Variants in PCDHGB5 observed in about 807,000 individuals in gnomAD.
The protein encoded by PCDHGB5 is protocadherin gamma-B5.
Under a neutral mutation model 62.9 loss-of-function variants are expected in PCDHGB5, and 48 were observed. The ratio of observed to expected loss-of-function variants is 0.76; its 90% confidence interval spans 0.61 to 0.97. The LOEUF (loss-of-function observed/expected upper bound fraction) is 0.97, where lower values mean the gene tolerates loss of function less well. Ranked by LOEUF, PCDHGB5 falls within the 50% of genes least tolerant of loss-of-function variation. PCDHGB5 has a pLI of 0.00. For synonymous variants in PCDHGB5, 474 were observed against 511.2 expected, an observed-to-expected ratio of 0.93 and a Z score of 0.98; for missense variants, 1,118 against 1,198.6, an observed-to-expected ratio of 0.93 and a Z score of 0.99.
chr5:141,485,172 CA>C lies in PCDHGB5; in HGVS notation c.2398-9633del. 6.2e-7 allele frequency: 1 copy of C among 1,610,166 alleles called. No individual in the cohort carries two copies. Among genetic ancestry groups the C allele is most frequent in the Non-Finnish European group, 8.5e-7 (1 of 1,176,940 alleles). On this transcript the variant is annotated intron_variant, in intron 1 of 3. Coordinates refer to ENST00000617380, the MANE Select transcript of PCDHGB5 (RefSeq NM_018925.3). The surrounding 1 kb of genome is among the most constrained non-coding windows in gnomAD (Gnocchi z 5.7). ...CAAGTAGAGAATTAGCGGGCGGCAG[CA>C]ATGCTCCGCAAGGTGAGAAGCTGGA...
intron 1 of PCDHGB5, chr5:141,479,290 T>C (rs1045200175): frequency 1.3e-5 from 2 of 152,438 alleles, no homozygotes; most frequent in Non-Finnish European, 2.9e-5. Flanking sequence ...AAAATAAATC[T>C]AGGCAACCCA....
intron 1 of PCDHGB5, among the ~76,000 whole-genome samples, chr5:141,481,126 A>G (rs2099532217): frequency 6.6e-6 from 1 of 152,222 alleles, no homozygotes. Context: ...CATTTAGCAT[A>G]TTTGTGAAGT....
intron 1 of PCDHGB5, among the ~76,000 whole-genome samples, chr5:141,438,370 A>G (rs2097956460): frequency 1.3e-5 from 2 of 152,004 alleles, no homozygotes; most frequent in South Asian, 4.2e-4. Context: ...CATTGAGGGC[A>G]GATATAATTT....
rs146574799 is a variant in PCDHGB5, at chr5:141,487,337, G to A, written c.2398-7470G>A. The A allele has an allele frequency of 1.4e-5, 23 of 1,614,054 alleles. No individual in the cohort carries two copies. The highest frequency in any genetic ancestry group is 3.3e-5 in the Admixed American group (2 of 60,002). The stretch of plus-strand genomic sequence containing the variant: ...TAAGTGTCTTCGTGGGGCAGCCTGT[G>A]GAGTCACATGCTTTCCTGCTGGCAC... On this transcript the variant is annotated intron_variant, in intron 1 of 3. Coordinates refer to ENST00000617380, the MANE Select transcript of PCDHGB5 (RefSeq NM_018925.3). The surrounding 1 kb of genome is among the most constrained non-coding windows in gnomAD (Gnocchi z 5.0).
rs1360494290 is a variant in PCDHGB5 at position 141,433,285 on chromosome 5, C to T, written c.2397+32761C>T. On this transcript the variant is annotated intron_variant, in intron 1 of 3. Coordinates refer to ENST00000617380, the MANE Select transcript of PCDHGB5 (RefSeq NM_018925.3). ...CATAGCTCACTGCAGCCTCAAACTCCTAGGCTCAAGCAATTATCCCACCTT... is the reference window on the plus strand; with the variant it reads ...CATAGCTCACTGCAGCCTCAAACTCTTAGGCTCAAGCAATTATCCCACCTT... The T allele has an allele frequency of 6.8e-6, 8 of 1,169,708 alleles. No individual in the cohort carries two copies. In the East Asian group the frequency reaches 1.7e-4, roughly 25 times the overall value. The allele number at this position is 1,169,708 out of a possible 1,614,324, so 72.5% of individuals were successfully genotyped here. A position where few individuals can be genotyped will look rare whatever the true frequency, so the allele number is the denominator to read the frequency against.
At chr5:141,499,689 CTTTTTTTTTTT>C in intron 2 of PCDHGB5, among the ~76,000 whole-genome samples, 1 of 119,852 alleles carries the variant, frequency 8.3e-6, no homozygotes, top group Non-Finnish European at 1.7e-5. Context: ...TAACAGATGA[CTTTTTTTTTTT>C]TTTTTTTTTT....
chr5:141,428,856 G>A (rs1195849417), intron 1 of PCDHGB5: 4 of 143,808 alleles, frequency 2.8e-5, no homozygotes, highest in Admixed American at 1.4e-4. Flanking sequence ...ATTTTTACGG[G>A]AGACTTTTTT....
intron 1 of PCDHGB5, chr5:141,413,221 G>A (rs1384304697): frequency 1.2e-6 from 2 of 1,613,452 alleles, no homozygotes; most frequent in East Asian, 2.2e-5. Flanking sequence ...GGATTGCAGC[G>A]GGCTGGTCCT....
At position 141,500,184 on chromosome 5, in the gene PCDHGB5, TTTTATTTATTTATTTA is replaced by T. The variant is rs58019021; in HGVS notation, c.2457-5182_2457-5167del. Among the ~76,000 whole-genome samples the T allele has an allele frequency of 2.1e-3, 289 of 135,964 alleles. 1 individual carries two copies. Among genetic ancestry groups the T allele is most frequent in the Middle Eastern group, 0.016 (4 of 248 alleles). The allele number at this position is 135,964 out of a possible 152,430, so 89.2% of individuals were successfully genotyped here. A position where few individuals can be genotyped will look rare whatever the true frequency, so the allele number is the denominator to read the frequency against. On this transcript the variant is annotated intron_variant, in intron 2 of 3. Coordinates refer to ENST00000617380, the MANE Select transcript of PCDHGB5 (RefSeq NM_018925.3). ...GAACATGCATGAGCTTCATTTTTAT[TTTTATTTATTTATTTA>T]TTTATTTATTTATTTATTTATTTAT...
chr5:141,399,525 C>G lies in PCDHGB5; in HGVS notation c.1398C>G (p.Ser466=). 6.2e-7 allele frequency: 1 copy of G among 1,614,058 alleles called. No individual in the cohort carries two copies. The highest frequency in any genetic ancestry group is 8.5e-7 in the Non-Finnish European group (1 of 1,179,902). Residue 466 remains serine, a synonymous_variant, in exon 1 of 4, where the codon TCC becomes TCG. Transcript: ENST00000617380. ...SVPENNPPGA[S]IAQVCASDLD... ...CCGAAAACAACCCTCCTGGGGCCTC[C>G]ATCGCGCAAGTCTGCGCCTCGGACC...
intron 1 of PCDHGB5, chr5:141,413,040 C>G: frequency 1.2e-6 from 1 of 840,546 alleles, no homozygotes; most frequent in Non-Finnish European, 1.8e-6. Flanking sequence ...GGCTGCTGGG[C>G]TGCAGGGAAG....
intron 1 of PCDHGB5, among the ~76,000 whole-genome samples, chr5:141,483,517 CCTGA>C (rs72004558): frequency 0.16 from 24,470 of 151,950 alleles, 2,064 homozygotes; most frequent in African/African-American, 0.21. Context: ...CCCCCTAGAT[CCTGA>C]CTAAGGAAGC....
chr5:141,438,613 TATATATATATATATATATATATAC>T (rs1240061633), intron 1 of PCDHGB5, among the ~76,000 whole-genome samples: 627 of 36,484 alleles, frequency 0.017, 21 homozygotes, highest in African/African-American at 0.051. Flanking sequence ...TATATATATA[TATATATATATATATATATATATAC>T]ACACACACAC....
rs188373658 is a variant in PCDHGB5 at position 141,492,228 on chromosome 5, C to T, written c.2398-2579C>T. ...TGCGCGCGGGGCTCATGCGTGTCCT[C>T]CCTGCTGGCCACCCCCACGGCCCAC... On this transcript the variant is annotated intron_variant, in intron 1 of 3. Coordinates refer to ENST00000617380, the MANE Select transcript of PCDHGB5 (RefSeq NM_018925.3). Among the ~76,000 whole-genome samples the T allele has an allele frequency of 5.3e-5, 8 of 152,292 alleles. No individual in the cohort carries two copies. In the East Asian group the frequency reaches 1.2e-3, roughly 22 times the overall value.
intron 2 of PCDHGB5, among the ~76,000 whole-genome samples, chr5:141,499,301 TC>T (rs771049830): frequency 6.6e-6 from 1 of 152,166 alleles, no homozygotes; most frequent in Non-Finnish European, 1.5e-5. Context: ...CTACCATCCC[TC>T]CTCTGAGAGA....
rs370286425 is a variant in PCDHGB5, at chr5:141,431,234, G to A, written c.2397+30710G>A. On this transcript the variant is annotated intron_variant, in intron 1 of 3. Coordinates refer to ENST00000617380, the MANE Select transcript of PCDHGB5 (RefSeq NM_018925.3). This position sits in a 1 kb window ranked among gnomAD's most constrained non-coding sequence, Gnocchi z 4.8. ...GCGGTTCCCTCTACCCCACGCCTGGGATCCGGATATCGGGAAGAACTCTCT... is the reference window on the plus strand; with the variant it reads ...GCGGTTCCCTCTACCCCACGCCTGGAATCCGGATATCGGGAAGAACTCTCT... 13 of 1,614,052 alleles carry A rather than the reference G, an allele frequency of 8.1e-6. No individual in the cohort carries two copies. The highest frequency in any genetic ancestry group is 2.7e-5 in the African/African-American group (2 of 74,940).
At position 141,485,260 on chromosome 5, in the gene PCDHGB5, G is replaced by A. The variant is rs773919574; in HGVS notation, c.2398-9547G>A. On this transcript the variant is annotated intron_variant, in intron 1 of 3. Transcript: ENST00000617380. This position sits in a 1 kb window ranked among gnomAD's most constrained non-coding sequence, Gnocchi z 5.7. ...TTTACCACCTGGGTTACGTTTGTGG[G>A]CAGATCCGCTACCCGGTCCCAGAGG... The A allele has an allele frequency of 8.7e-6, 14 of 1,614,002 alleles. No individual in the cohort carries two copies. In the African/African-American group the frequency reaches 1.5e-4, roughly 17 times the overall value.
rs762138055 is a variant in PCDHGB5, at chr5:141,490,757, T to C, written c.2398-4050T>C. 6.2e-7 allele frequency: 1 copy of C among 1,613,918 alleles called. No homozygotes were observed. The highest frequency in any genetic ancestry group is 2.2e-5 in the East Asian group (1 of 44,892). On this transcript the variant is annotated intron_variant, in intron 1 of 3. Coordinates refer to ENST00000617380, the MANE Select transcript of PCDHGB5 (RefSeq NM_018925.3). The surrounding 1 kb of genome is among the most constrained non-coding windows in gnomAD (Gnocchi z 5.4). ...GTTCAGGGAGCCCCAGCCTCCTCCT[T>C]TGTGTATGTCAACCCAGAGGATGGA...
intron 1 of PCDHGB5, chr5:141,430,592 C>A (rs2097296542): frequency 1.8e-6 from 1 of 544,568 alleles, no homozygotes; most frequent in Non-Finnish European, 2.9e-6. Flanking sequence ...TCGCCTTGCA[C>A]GCGCCTGAAG....
Sources: gnomAD v4.1 joint callset for allele counts (sites outside exome capture counted in the v4.1 genomes callset) on GRCh38, gnomAD v4.1.1 for gene constraint, Gnocchi (gnomAD v3.1) non-coding constraint, MANE v1.5 for transcripts, NCBI Gene and HGNC (gene_info 2026-07-23, HGNC 2026-07-21) for gene names.